The following ZPBP variants were observed in gnomAD, a reference collection of about 807,000 sequenced individuals.
ZPBP encodes the protein zona pellucida-binding protein 1.
Under a neutral mutation model 44.8 loss-of-function variants are expected in ZPBP, and 26 were observed. The ratio of observed to expected loss-of-function variants is 0.58; its 90% CI spans 0.43 to 0.81. The LOEUF (loss-of-function observed/expected upper bound fraction) is 0.81. Ranked by LOEUF, ZPBP falls within the 30% of genes least tolerant of loss-of-function variation. The pLI, the probability that ZPBP is intolerant of heterozygous loss-of-function variation, is 0.00. For synonymous variants in ZPBP, 174 were observed against 153.2 expected (o/e 1.14, Z -1.00); for missense variants, 409 against 434.0 (o/e 0.94, Z 0.51).
At chr7:49,934,449 A>T (rs1794558714), downstream of ZPBP, among the ~76,000 whole-genome samples, 2 of 150,586 alleles carry the variant, frequency 1.3e-5, no homozygotes, top group African/African-American at 4.9e-5. Flanking sequence ...GAGGGTATAA[A>T]AAAAAAAAAA....
At position 49,944,447 on chromosome 7, in the gene ZPBP, G is replaced by A. The variant is rs923269991; in HGVS notation, c.962-6825C>T. ...TGTACTTGGGCTTTACCATCTTGGC[G>A]ATGAGATGGGAACTGAAGTGCTAAG... On this transcript the variant is annotated intron_variant, in intron 7 of 7. Transcript: ENST00000046087. The A allele has an allele frequency of 2.3e-5, 4 of 171,440 alleles. No individual in the cohort carries two copies. The South Asian group carries it at 4.4e-4, about 19-fold the overall frequency. The allele number at this position is 171,440 out of a possible 1,614,324, so 10.6% of individuals were successfully genotyped here.
chr7:50,081,926 C>G (rs367815268), intron 2 of ZPBP, 27 bp from the exon 3 acceptor site: 3 of 1,606,578 alleles, frequency 1.9e-6, no homozygotes, highest in Non-Finnish European at 2.6e-6. Context: ...TAAAATGTTC[C>G]AATAGTATTT....
At chr7:50,078,463 C>T (rs1284418812) in intron 3 of ZPBP, among the ~76,000 whole-genome samples, 1 of 151,482 alleles carries the variant, frequency 6.6e-6, no homozygotes, top group African/African-American at 2.4e-5. Flanking sequence ...CCATGATGTG[C>T]TTATTTCACA....
chr7:50,070,600 A>G (rs1056940155), intron 3 of ZPBP, among the ~76,000 whole-genome samples: 1 of 152,202 alleles, frequency 6.6e-6, no homozygotes, highest in Non-Finnish European at 1.5e-5. Flanking sequence ...AGTGGAATTG[A>G]TAAGGAATCA....
At chr7:49,886,865 A>G (rs1791925953) in intron 2 of ZPBP, among the ~76,000 whole-genome samples, 1 of 152,122 alleles carries the variant, frequency 6.6e-6, no homozygotes, top group Admixed American at 6.5e-5. Flanking sequence ...AAAAATGTGT[A>G]TGTTTCAATT....
chr7:49,993,907 T>TC (rs1797685243), intron 6 of ZPBP, among the ~76,000 whole-genome samples: 1 of 152,164 alleles, frequency 6.6e-6, no homozygotes, highest in South Asian at 2.1e-4. Context: ...AAAGGGGTCA[T>TC]CCCATCCCCT....
intron 6 of ZPBP, among the ~76,000 whole-genome samples, chr7:50,013,012 T>C (rs1273789854): frequency 6.6e-6 from 1 of 151,886 alleles, no homozygotes; most frequent in Non-Finnish European, 1.5e-5. Flanking sequence ...TTTTTTAATA[T>C]TCCATTTAAA....
intron 1 of ZPBP, chr7:49,911,887 ACT>A: frequency 1.6e-6 from 1 of 615,442 alleles, no homozygotes; most frequent in Admixed American, 4.0e-5. Flanking sequence ...ATAGAGCAAG[ACT>A]CTGTCTCAAA....
chr7:49,889,836 A>G (rs938730251), intron 2 of ZPBP, among the ~76,000 whole-genome samples: 3 of 152,210 alleles, frequency 2.0e-5, no homozygotes, highest in African/African-American at 7.2e-5. Flanking sequence ...TAGGTGCCCC[A>G]GTATGCCGTC....
downstream of ZPBP, among the ~76,000 whole-genome samples, chr7:49,933,430 A>C (rs1794513887): frequency 6.6e-6 from 1 of 152,242 alleles, no homozygotes. Flanking sequence ...ACTAAGAAAT[A>C]GGAACAATTT....
intron 2 of ZPBP, among the ~76,000 whole-genome samples, chr7:49,871,042 CA>C (rs896444853): frequency 2.6e-5 from 4 of 152,044 alleles, no homozygotes; most frequent in African/African-American, 9.7e-5. Flanking sequence ...TCCACAGAAC[CA>C]ATAAATTGGA....
chr7:50,056,131 A>C (rs949715186), intron 4 of ZPBP: 8 of 152,202 alleles, frequency 5.3e-5, no homozygotes, highest in African/African-American at 1.7e-4. Context: ...TATCTTATTG[A>C]CACTGTAACA....
At chr7:50,036,261 C>T (rs1212930558) in intron 4 of ZPBP, among the ~76,000 whole-genome samples, 4 of 152,200 alleles carry the variant, frequency 2.6e-5, no homozygotes, top group Non-Finnish European at 4.4e-5. Flanking sequence ...TCAAGCAATT[C>T]TCCTGCCTAA....
intron 6 of ZPBP, among the ~76,000 whole-genome samples, chr7:49,989,303 A>G (rs986036859): frequency 6.6e-6 from 1 of 152,182 alleles, no homozygotes; most frequent in Non-Finnish European, 1.5e-5. Flanking sequence ...GTCAGTTTCT[A>G]ACAGGCCCGG....
intron 1 of ZPBP, chr7:49,920,002 A>G (rs1204909387): frequency 6.6e-6 from 1 of 152,236 alleles, no homozygotes; most frequent in Non-Finnish European, 1.5e-5. Flanking sequence ...ATTGAAGCCA[A>G]GAAAGTAAAT....
chr7:50,024,928 T>C (rs138723337), intron 5 of ZPBP, among the ~76,000 whole-genome samples: 67 of 152,080 alleles, frequency 4.4e-4, no homozygotes, highest in African/African-American at 1.5e-3. Context: ...TATTTTAATA[T>C]ATACATATAT....
chr7:49,878,833 A>G (rs1403067693), intron 2 of ZPBP, among the ~76,000 whole-genome samples: 1 of 152,160 alleles, frequency 6.6e-6, no homozygotes, highest in Admixed American at 6.5e-5. Context: ...GAACACAGCT[A>G]CAGTTGTTTA....
At chr7:49,918,893 T>C (rs999106503) in intron 1 of ZPBP, 1 of 152,172 alleles carries the variant, frequency 6.6e-6, no homozygotes, top group Admixed American at 6.5e-5. Flanking sequence ...ACCCCATCTC[T>C]ACTAAAAATA....
intron 1 of ZPBP, chr7:49,919,869 T>C (rs1297065648): frequency 6.6e-6 from 1 of 152,172 alleles, no homozygotes; most frequent in Non-Finnish European, 1.5e-5. Context: ...ATAAAGGAGC[T>C]TGATACAAAA....
Sources: allele counts gnomAD v4.1 joint callset (sites outside exome capture counted in the v4.1 genomes callset), GRCh38; gene constraint gnomAD v4.1.1; transcripts MANE v1.5; gene names NCBI Gene and HGNC (gene_info 2026-07-23, HGNC 2026-07-21).